The following SHISA9 variants were observed in gnomAD, a reference collection of about 807,000 sequenced individuals.
SHISA9 encodes the protein shisa family member 9.
SHISA9 carries 13 observed loss-of-function variants against 38.0 expected under a neutral mutation model. The ratio of observed to expected loss-of-function variants is 0.34; its 90% confidence interval spans 0.22 to 0.54. SHISA9 has a LOEUF of 0.54. Ranked by LOEUF, SHISA9 falls within the 20% of genes least tolerant of loss-of-function variation. SHISA9 has a pLI of 0.91. For synonymous variants in SHISA9, 275 were observed against 242.0 expected (o/e 1.14, Z -1.27); for missense variants, 538 against 575.8 (o/e 0.93, Z 0.67).
intron 3 of SHISA9, among the ~76,000 whole-genome samples, chr16:13,206,258 C>T (rs557720792): frequency 1.8e-4 from 28 of 152,110 alleles, no homozygotes; most frequent in African/African-American, 3.4e-4. Flanking sequence ...TTTTGGTTCC[C>T]GAAAAACTCT....
intron 2 of SHISA9, among the ~76,000 whole-genome samples, chr16:13,052,261 A>G (rs535229331): frequency 6.6e-6 from 1 of 152,166 alleles, no homozygotes; most frequent in Non-Finnish European, 1.5e-5. Context: ...TTTGTTAGTG[A>G]TTTAGAGACA....
chr16:13,315,763 A>C, the SHISA9 span, among the ~76,000 whole-genome samples: 29 of 152,286 alleles, frequency 1.9e-4, 1 homozygote, highest in African/African-American at 6.5e-4. Context: ...TTTACAGATG[A>C]GATCACTGAA....
chr16:13,397,033 CTT>C, the SHISA9 span, among the ~76,000 whole-genome samples: 1 of 151,644 alleles, frequency 6.6e-6, no homozygotes, highest in African/African-American at 2.4e-5. Flanking sequence ...GGACGAAGAC[CTT>C]TATGATGATC....
At chr16:13,396,805 G>A in the SHISA9 span, among the ~76,000 whole-genome samples, 4 of 152,032 alleles carry the variant, frequency 2.6e-5, no homozygotes, top group South Asian at 4.2e-4. Context: ...TTTCCTGAAA[G>A]GGTGTCTGGG....
At chr16:13,445,666 T>C in the SHISA9 span, among the ~76,000 whole-genome samples, 1 of 152,210 alleles carries the variant, frequency 6.6e-6, no homozygotes, top group African/African-American at 2.4e-5. Context: ...TTTCCTTTGA[T>C]TGAAACTTTT....
At chr16:13,257,670 G>A in the SHISA9 span, among the ~76,000 whole-genome samples, 1 of 152,152 alleles carries the variant, frequency 6.6e-6, no homozygotes, top group Admixed American at 6.5e-5. Flanking sequence ...ACATGTCTTT[G>A]CAGGTGTTGC....
the SHISA9 span, among the ~76,000 whole-genome samples, chr16:13,440,687 G>T: frequency 1.3e-5 from 2 of 152,192 alleles, no homozygotes; most frequent in Non-Finnish European, 2.9e-5. Flanking sequence ...CCAGCACTTT[G>T]GGAGGCCGAG....
the SHISA9 span, among the ~76,000 whole-genome samples, chr16:13,549,619 A>G: frequency 3.9e-5 from 6 of 152,200 alleles, no homozygotes; most frequent in Non-Finnish European, 8.8e-5. Flanking sequence ...AGTCAAGGTG[A>G]CACATAAAAT....
At chr16:13,468,637 A>T in the SHISA9 span, among the ~76,000 whole-genome samples, 250 of 152,270 alleles carry the variant, frequency 1.6e-3, 1 homozygote, top group African/African-American at 5.8e-3. Flanking sequence ...AAGTAATAAG[A>T]GAACTCTAGG....
chr16:12,987,849 A>G (rs2141829345), intron 2 of SHISA9, among the ~76,000 whole-genome samples: 1 of 152,350 alleles, frequency 6.6e-6, no homozygotes, highest in South Asian at 2.1e-4. Context: ...ATATAGATTC[A>G]GCTGTCCTTG....
At chr16:13,220,441 A>G (rs2051212452) in intron 4 of SHISA9, among the ~76,000 whole-genome samples, 1 of 152,124 alleles carries the variant, frequency 6.6e-6, no homozygotes, top group Non-Finnish European at 1.5e-5. Context: ...GAGTGTAGAG[A>G]TGGAGAAAGT....
chr16:13,544,955 G>A, the SHISA9 span, among the ~76,000 whole-genome samples: 1 of 152,042 alleles, frequency 6.6e-6, no homozygotes, highest in African/African-American at 2.4e-5. Flanking sequence ...AAAAACAATA[G>A]AAGACTGATA....
At chr16:13,524,133 G>A in the SHISA9 span, among the ~76,000 whole-genome samples, 5 of 152,210 alleles carry the variant, frequency 3.3e-5, no homozygotes, top group South Asian at 1.0e-3. Flanking sequence ...CAGGGACCTG[G>A]TTATGCATTC....
the SHISA9 span, among the ~76,000 whole-genome samples, chr16:13,511,155 C>A: frequency 6.6e-6 from 1 of 152,126 alleles, no homozygotes; most frequent in Non-Finnish European, 1.5e-5. Context: ...GTAGTTGCAC[C>A]CAAATAAAGT....
At chr16:13,009,360 G>C (rs1292986721) in intron 2 of SHISA9, among the ~76,000 whole-genome samples, 1 of 152,174 alleles carries the variant, frequency 6.6e-6, no homozygotes, top group Admixed American at 6.5e-5. Flanking sequence ...TCAGGAAGGT[G>C]GGTCAGCCGG....
At chr16:13,123,085 A>G (rs2050227739) in intron 2 of SHISA9, among the ~76,000 whole-genome samples, 1 of 152,240 alleles carries the variant, frequency 6.6e-6, no homozygotes, top group Non-Finnish European at 1.5e-5. Context: ...TATAGATGAG[A>G]AACCAACTTG....
the SHISA9 span, among the ~76,000 whole-genome samples, chr16:13,370,973 A>C: frequency 1.3e-5 from 2 of 152,258 alleles, no homozygotes; most frequent in East Asian, 1.9e-4. Context: ...AGGGCACCCA[A>C]ATAAATTTGA....
the SHISA9 span, among the ~76,000 whole-genome samples, chr16:13,255,246 G>GTC: frequency 5.8e-4 from 87 of 150,918 alleles, no homozygotes; most frequent in Middle Eastern, 3.4e-3. Flanking sequence ...TCCCCTTTCT[G>GTC]TCTCTCTCTC....
At chr16:12,902,761 C>A in intron 1 of SHISA9, 134 bp downstream of exon 1, 1 of 975,394 alleles carries the variant, frequency 1.0e-6, no homozygotes, top group Non-Finnish European at 1.5e-6. Context: ...GGGGATGTCA[C>A]CGGGAAGCCA....
Sources: gnomAD v4.1 joint callset for allele counts (sites outside exome capture counted in the v4.1 genomes callset) on GRCh38, gnomAD v4.1.1 for gene constraint, MANE v1.5 for transcripts, NCBI Gene and HGNC (gene_info 2026-07-23, HGNC 2026-07-21) for gene names.